The following LDLRAD4 variants were observed in gnomAD, a reference collection of about 807,000 sequenced individuals.
LDLRAD4 encodes the protein low density lipoprotein receptor class A domain containing 4, also known as low-density lipoprotein receptor class A domain-containing protein 4.
LDLRAD4 carries 5 observed loss-of-function variants against 17.0 expected under a neutral mutation model. The ratio of observed to expected loss-of-function variants is 0.29; its 90% CI spans 0.15 to 0.62. The LOEUF is 0.62. Ranked by LOEUF, LDLRAD4 falls within the 20% of genes least tolerant of loss-of-function variation. The probability of loss-of-function intolerance (pLI) is 0.84; values close to 1 mark genes in which losing one functional copy is unlikely to be tolerated. For synonymous variants in LDLRAD4, 168 were observed against 171.8 expected, an observed-to-expected ratio of 0.98 and a Z score of 0.17; for missense variants, 340 against 424.7, an observed-to-expected ratio of 0.80 and a Z score of 1.75.
chr18:13,476,516 C>G (rs1483223901), intron 3 of LDLRAD4, among the ~76,000 whole-genome samples: 1 of 151,370 alleles, frequency 6.6e-6, no homozygotes, highest in African/African-American at 2.4e-5. Flanking sequence ...TCCAGCTGCT[C>G]AGGAGGCTGA....
At chr18:13,255,309 T>G (rs1316278937) in intron 1 of LDLRAD4, among the ~76,000 whole-genome samples, 1 of 152,090 alleles carries the variant, frequency 6.6e-6, no homozygotes, top group Admixed American at 6.5e-5. Flanking sequence ...ATGGAAAGGC[T>G]CCACTCTCAA....
In LDLRAD4 at chr18:13,612,146, T is replaced by G. The variant is rs1247363000; in HGVS notation, c.182-8971T>G. The G allele has an allele frequency of 9.1e-6, 9 of 985,986 alleles. No homozygotes were observed. In the Admixed American group the frequency reaches 4.9e-4, roughly 54 times the overall value. The allele number at this position is 985,986 out of a possible 1,614,324, so 61.1% of individuals were successfully genotyped here. On this transcript the variant is annotated intron_variant, in intron 3 of 5. Coordinates refer to ENST00000359446, the Ensembl canonical transcript of LDLRAD4. ...GGAGTATTGTGTGAGACTTGCAGAT[T>G]TCCTCCTTTCTGTCTGGACTGGTTT...
chr18:13,587,697 C>T (rs1484782173), intron 3 of LDLRAD4, among the ~76,000 whole-genome samples: 2 of 152,154 alleles, frequency 1.3e-5, no homozygotes, highest in South Asian at 4.1e-4. Context: ...TCCTCTGATC[C>T]CTTCTGGGCC....
chr18:13,460,825 A>T (rs1433004144), intron 3 of LDLRAD4, among the ~76,000 whole-genome samples: 3 of 152,246 alleles, frequency 2.0e-5, no homozygotes, highest in Middle Eastern at 3.2e-3. Flanking sequence ...ACACAAAATT[A>T]TAGATTTTGC....
At chr18:13,248,074 C>T (rs894612772) in intron 1 of LDLRAD4, among the ~76,000 whole-genome samples, 3 of 151,536 alleles carry the variant, frequency 2.0e-5, no homozygotes, top group African/African-American at 7.3e-5. Flanking sequence ...GATTCTACTG[C>T]CTCAGCCTCC....
intron 1 of LDLRAD4, among the ~76,000 whole-genome samples, chr18:13,249,516 A>G (rs1018501423): frequency 6.6e-6 from 1 of 151,878 alleles, no homozygotes; most frequent in African/African-American, 2.4e-5. Flanking sequence ...CATTTTTCAT[A>G]TATTAATATT....
At chr18:13,489,874 A>G (rs1012104468) in intron 3 of LDLRAD4, 3 of 152,206 alleles carry the variant, frequency 2.0e-5, no homozygotes, top group African/African-American at 7.2e-5. Context: ...GGGTTAGAAG[A>G]AGGAGGGAGG....
rs559281664 is a variant in LDLRAD4, at chr18:13,562,809, C to T, written c.182-58308C>T. ...GCTCTGGGCTGGCGCCTACCCCTCC[C>T]ACCCAAGGAATCTCTGCTTCCCGGG... On this transcript the variant is annotated intron_variant, in intron 3 of 5. Coordinates refer to ENST00000359446, the Ensembl canonical transcript of LDLRAD4. 4 of 152,406 alleles carry T rather than the reference C, an allele frequency of 2.6e-5. No individual in the cohort carries two copies. In the East Asian group the frequency reaches 7.7e-4, roughly 29 times the overall value. The allele number at this position is 152,406 out of a possible 1,614,324, so 9.4% of individuals were successfully genotyped here.
Position 13,266,057 on chromosome 18 carries a change from A to G in LDLRAD4, c.-466-12048A>G, listed in dbSNP as rs73951940. On this transcript the variant is annotated intron_variant, in intron 1 of 5. Coordinates refer to the LDLRAD4 transcript ENST00000399848. ...ATACGGATTCCTGGACTCCACCCCA[A>G]GAGATTCTGACTCAGAAGCTTAGAT... Among the ~76,000 whole-genome samples, 446 of 152,316 alleles carry G rather than the reference A, an allele frequency of 2.9e-3. 5 individuals carry two copies. The highest frequency in any genetic ancestry group is 9.3e-3 in the African/African-American group (385 of 41,558).
chr18:13,304,337 A>G (rs901894481), intron 1 of LDLRAD4, among the ~76,000 whole-genome samples: 2 of 152,170 alleles, frequency 1.3e-5, no homozygotes, highest in Non-Finnish European at 2.9e-5. Context: ...TAGTTTTTCA[A>G]AGAAGATTTC....
chr18:13,625,538 T>C (rs2041055974), intron 4 of LDLRAD4, among the ~76,000 whole-genome samples: 1 of 152,166 alleles, frequency 6.6e-6, no homozygotes, highest in African/African-American at 2.4e-5. Flanking sequence ...CTTCTCTGCT[T>C]CTTGCGGAGA....
chr18:13,263,542 C>T (rs2044039846), intron 1 of LDLRAD4, among the ~76,000 whole-genome samples: 1 of 152,184 alleles, frequency 6.6e-6, no homozygotes, highest in Non-Finnish European at 1.5e-5. Flanking sequence ...CGAGGGGCAC[C>T]TGGCACCTTA....
intron 1 of LDLRAD4, among the ~76,000 whole-genome samples, chr18:13,363,474 G>C (rs1169280407): frequency 7.9e-5 from 12 of 152,314 alleles, no homozygotes. Flanking sequence ...AAGTGTGCAA[G>C]GGTGTGTTTT....
intron 1 of LDLRAD4, among the ~76,000 whole-genome samples, chr18:13,368,059 G>A (rs1292571761): frequency 3.9e-5 from 6 of 152,116 alleles, no homozygotes; most frequent in Admixed American, 1.3e-4. Flanking sequence ...GATGTGGGAG[G>A]AAGGGTCTGT....
intron 3 of LDLRAD4, among the ~76,000 whole-genome samples, chr18:13,476,308 T>C (rs143919533): frequency 6.6e-6 from 1 of 152,280 alleles, no homozygotes; most frequent in African/African-American, 2.4e-5. Flanking sequence ...TTGCCAACAT[T>C]AAGACTGAAT....
intron 1 of LDLRAD4, among the ~76,000 whole-genome samples, chr18:13,255,448 G>A (rs1290773515): frequency 6.6e-6 from 1 of 152,202 alleles, no homozygotes; most frequent in Non-Finnish European, 1.5e-5. Context: ...GCGGTTGCCT[G>A]GAGTGGTCAA....
At chr18:13,267,694 T>A (rs2044298878) in intron 1 of LDLRAD4, among the ~76,000 whole-genome samples, 1 of 152,218 alleles carries the variant, frequency 6.6e-6, no homozygotes, top group South Asian at 2.1e-4. Flanking sequence ...TTCTGGAAGG[T>A]TTCAGCCAGA....
chr18:13,296,544 A>G (rs1392685542), intron 1 of LDLRAD4, among the ~76,000 whole-genome samples: 1 of 150,076 alleles, frequency 6.7e-6, no homozygotes, highest in Non-Finnish European at 1.5e-5. Context: ...CAGCCCCGTC[A>G]GATTAGGGAC....
chr18:13,617,128 G>A (rs1012940326), intron 3 of LDLRAD4, among the ~76,000 whole-genome samples: 4 of 151,482 alleles, frequency 2.6e-5, no homozygotes, highest in Non-Finnish European at 5.9e-5. Context: ...TTAAGAGACA[G>A]GGTCTCGCTA....
Sources: gnomAD v4.1 joint callset for allele counts (sites outside exome capture counted in the v4.1 genomes callset) on GRCh38, gnomAD v4.1.1 for gene constraint, MANE v1.5 for transcripts, NCBI Gene and HGNC (gene_info 2026-07-23, HGNC 2026-07-21) for gene names.